Variants in MID2 observed in about 807,000 individuals in gnomAD.
MID2 encodes midline 2.
MID2 carries 13 observed loss-of-function variants against 46.1 expected under a neutral mutation model. The observed-to-expected ratio is 0.28, with a 90% CI of 0.18 to 0.45. The LOEUF (loss-of-function observed/expected upper bound fraction) is 0.45, where lower values mean the gene tolerates loss of function less well. MID2 is among the 20% of genes least tolerant of loss of function. The probability of loss-of-function intolerance (pLI) is 1.00; values close to 1 mark genes in which losing one functional copy is unlikely to be tolerated. For synonymous variants in MID2, 199 were observed against 212.3 expected (o/e 0.94, Z 0.55); for missense variants, 431 against 575.4 (o/e 0.75, Z 2.57).
intron 3 of MID2, among the ~76,000 whole-genome samples, chrX:107,893,717 GCT>G (rs1932652460): frequency 8.9e-6 from 1 of 111,939 alleles, no homozygotes; most frequent in South Asian, 3.7e-4. Flanking sequence ...AGTCTGTCTG[GCT>G]CTGTTTTATA....
At chrX:107,913,468 T>C in intron 5 of MID2, among the ~76,000 whole-genome samples, 1 of 112,229 alleles carries the variant, frequency 8.9e-6, no homozygotes, top group East Asian at 2.8e-4. Flanking sequence ...TTAAGCTATT[T>C]TGAAATTTAA....
At chrX:107,894,251 G>A (rs1395021077) in intron 3 of MID2, among the ~76,000 whole-genome samples, 1 of 110,862 alleles carries the variant, frequency 9.0e-6, no homozygotes, top group African/African-American at 3.3e-5. Context: ...ACCGAGAAAG[G>A]ATATTTGGAT....
In MID2 at chrX:107,871,282, G is replaced by A. The variant is rs189679732; in HGVS notation, c.816+16578G>A. On this transcript the variant is annotated intron_variant, in intron 3 of 9. Coordinates refer to ENST00000262843, the MANE Select transcript of MID2 (RefSeq NM_012216.4). ...GCTAGAACTAGTCAGCCACTTCAGTGCCAGCAGGGGCAGACTCCACTTGCT... is the reference window on the plus strand; with the variant it reads ...GCTAGAACTAGTCAGCCACTTCAGTACCAGCAGGGGCAGACTCCACTTGCT... 3.3e-3 allele frequency among the ~76,000 whole-genome samples: 370 copies of A among 111,896 alleles called. 1 individual carries two copies. Among genetic ancestry groups the A allele is most frequent in the African/African-American group, 0.011 (340 of 30,699 alleles).
At chrX:107,911,858 C>G (rs1475346053) in intron 5 of MID2, among the ~76,000 whole-genome samples, 1 of 111,810 alleles carries the variant, frequency 8.9e-6, no homozygotes, top group Non-Finnish European at 1.9e-5. Flanking sequence ...CAATCTCCTG[C>G]TTTTGATTGG....
rs757549060 is a variant in MID2 at position 107,852,924 on chromosome X, C to T, written c.721-1685C>T. 1.6e-3 allele frequency among the ~76,000 whole-genome samples: 176 copies of T among 111,414 alleles called. 1 individual carries two copies. Among genetic ancestry groups the T allele is most frequent in the African/African-American group, 5.1e-3 (157 of 30,597 alleles). ...GATAGCAGCGTAGCACTTAACATGACTGAGGGAAGGACTGCTAGCAGAATG... is the reference window on the plus strand; with the variant it reads ...GATAGCAGCGTAGCACTTAACATGATTGAGGGAAGGACTGCTAGCAGAATG... On this transcript the variant is annotated intron_variant, in intron 2 of 9. Coordinates refer to ENST00000262843, the MANE Select transcript of MID2 (RefSeq NM_012216.4).
intron 2 of MID2, among the ~76,000 whole-genome samples, chrX:107,852,954 C>T (rs1358692610): frequency 3.6e-5 from 4 of 111,281 alleles, no homozygotes. Flanking sequence ...AGAATGAGGG[C>T]CAGTAAGTTG....
chrX:107,868,056 C>A (rs1332436941), intron 3 of MID2, among the ~76,000 whole-genome samples: 3 of 111,762 alleles, frequency 2.7e-5, no homozygotes, highest in African/African-American at 9.8e-5. Flanking sequence ...GTAATGGTTA[C>A]AAAATTCTGT....
At chrX:107,878,910 C>T (rs1932260885) in intron 3 of MID2, among the ~76,000 whole-genome samples, 1 of 112,220 alleles carries the variant, frequency 8.9e-6, no homozygotes, top group South Asian at 3.7e-4. Flanking sequence ...CCTTTGCAGG[C>T]AGGAACTCGA....
At chrX:107,850,401 T>C (rs1453823573) in intron 2 of MID2, among the ~76,000 whole-genome samples, 1 of 111,892 alleles carries the variant, frequency 8.9e-6, no homozygotes, top group African/African-American at 3.3e-5. Context: ...CCTTTGCATA[T>C]GTTCATTATT....
intron 2 of MID2, 92 bp from the exon 3 acceptor site, chrX:107,854,517 C>T: frequency 1.6e-6 from 1 of 626,880 alleles, no homozygotes; most frequent in Non-Finnish European, 2.6e-6. Context: ...TACTGACTAA[C>T]CGATTTTCAC....
rs753415490 is a variant in MID2 at position 107,928,390 on chromosome X, C to T, written c.*1317C>T. On this transcript the variant is annotated 3_prime_UTR_variant, in exon 10 of 10. Transcript: ENST00000262843. ...CCAGTATAGTTGAAGGGAATGGAGC[C>T]TTGTAGTCTATGATTTTTTTTTTTA... Among the ~76,000 whole-genome samples the T allele has an allele frequency of 7.2e-5, 8 of 111,273 alleles. No homozygotes were observed. The highest frequency in any genetic ancestry group is 1.5e-4 in the Non-Finnish European group (8 of 52,959).
chrX:107,835,042 C>T (rs747527704), intron 1 of MID2, among the ~76,000 whole-genome samples: 8 of 111,495 alleles, frequency 7.2e-5, no homozygotes, highest in African/African-American at 9.8e-5. Context: ...CCCCCATCCT[C>T]CCCTGCCCTG....
Position 107,840,660 on chromosome X carries a change from T to A in MID2, c.5-10T>A. 8.5e-7 allele frequency: 1 copy of A among 1,181,087 alleles called. No individual in the cohort carries two copies. Among genetic ancestry groups the A allele is most frequent in the African/African-American group, 1.7e-5 (1 of 57,147 alleles). ...AATGCCTAATGACTCTTGCTTTGTA[T>A]TCCTTGCAGGTGAAAGCCCAGCCTC... On this transcript the variant is annotated splice_polypyrimidine_tract_variant and intron_variant, in intron 1 of 9. Transcript: ENST00000262843.
intron 5 of MID2, among the ~76,000 whole-genome samples, chrX:107,911,344 C>G (rs1273407156): frequency 9.0e-6 from 1 of 111,151 alleles, no homozygotes; most frequent in African/African-American, 3.3e-5. Context: ...CTTTTTTTCT[C>G]TAATTTTATC....
At chrX:107,881,651 C>G (rs1447571374) in intron 3 of MID2, among the ~76,000 whole-genome samples, 1 of 112,182 alleles carries the variant, frequency 8.9e-6, no homozygotes, top group Non-Finnish European at 1.9e-5. Context: ...TGTATAGTAC[C>G]AATGAGGTCT....
chrX:107,930,039 A>G lies in MID2; in HGVS notation c.*2966A>G, dbSNP rs954492010. ...AAGCTCCTCATGATTCTGATGCACC[A>G]AAAATTTTAATGAATAATCATCTTC... On this transcript the variant is annotated 3_prime_UTR_variant, in exon 10 of 10. Transcript: ENST00000262843. Among the ~76,000 whole-genome samples the G allele has an allele frequency of 8.9e-6, 1 of 112,058 alleles. No individual in the cohort carries two copies. Among genetic ancestry groups the G allele is most frequent in the Non-Finnish European group, 1.9e-5 (1 of 53,144 alleles).
rs1327943065 is a variant in MID2 at position 107,927,796 on chromosome X, A to G, written c.*723A>G. On this transcript the variant is annotated 3_prime_UTR_variant, in exon 10 of 10. Transcript: ENST00000262843. Reference sequence around the variant, plus strand: ...GTTACACCATCCATTTTTGTCCCCTAAAGGAAACATCAAAATCAATCAACA... The same window carrying G: ...GTTACACCATCCATTTTTGTCCCCTGAAGGAAACATCAAAATCAATCAACA... Among the ~76,000 whole-genome samples the G allele has an allele frequency of 1.8e-5, 2 of 111,693 alleles. No individual in the cohort carries two copies. Among genetic ancestry groups the G allele is most frequent in the African/African-American group, 6.5e-5 (2 of 30,741 alleles).
rs991825182 is a variant in MID2, at chrX:107,927,276, G to A, written c.*203G>A. 2.8e-6 allele frequency: 1 copy of A among 360,007 alleles called. No individual in the cohort carries two copies. Among genetic ancestry groups the A allele is most frequent in the Non-Finnish European group, 4.7e-6 (1 of 215,013 alleles). The allele number at this position is 360,007 out of a possible 1,213,427, so 29.7% of individuals were successfully genotyped here. ...GAGTTTTTCAGAACAAATTATCTGA[G>A]TAGTCTGCGTTCAAGCCATTGGAGA... On this transcript the variant is annotated 3_prime_UTR_variant, in exon 10 of 10. Coordinates refer to ENST00000262843, the MANE Select transcript of MID2 (RefSeq NM_012216.4).
chrX:107,855,756 A>T (rs1381289077), intron 3 of MID2, among the ~76,000 whole-genome samples: 1 of 111,933 alleles, frequency 8.9e-6, no homozygotes, highest in African/African-American at 3.2e-5. Flanking sequence ...TGGATTTCTT[A>T]AAGTATTGAG....
Sources: gnomAD v4.1 joint callset for allele counts (sites outside exome capture counted in the v4.1 genomes callset) on GRCh38, gnomAD v4.1.1 for gene constraint, MANE v1.5 for transcripts, NCBI Gene and HGNC (gene_info 2026-07-23, HGNC 2026-07-21) for gene names.